The following OTOGL variants were observed in gnomAD, a reference collection of about 807,000 sequenced individuals.
OTOGL encodes otogelin-like protein.
In OTOGL, 285 loss-of-function variants were observed where a neutral mutation model predicts 318.5. The ratio of observed to expected loss-of-function variants is 0.89; its 90% CI spans 0.81 to 0.99. OTOGL has a LOEUF of 0.99. Ranked by LOEUF, OTOGL falls within the 50% of genes least tolerant of loss-of-function variation. The pLI, the probability that OTOGL is intolerant of heterozygous loss-of-function variation, is 0.00. For synonymous variants in OTOGL, 987 were observed against 936.5 expected (o/e 1.05, Z -0.99); for missense variants, 2,899 against 2,845.6 (o/e 1.02, Z -0.43).
At chr12:80,293,154 T>C (rs115086444) in intron 26 of OTOGL, among the ~76,000 whole-genome samples, 5 of 152,240 alleles carry the variant, frequency 3.3e-5, no homozygotes, top group African/African-American at 1.2e-4. Flanking sequence ...TAAAACTTAA[T>C]AAAGATAGCT....
intron 1 of OTOGL, among the ~76,000 whole-genome samples, chr12:80,201,917 C>G (rs983465362): frequency 6.6e-6 from 1 of 152,170 alleles, no homozygotes; most frequent in Non-Finnish European, 1.5e-5. Flanking sequence ...GGAATAATAA[C>G]CTAATCAATC....
chr12:80,323,468 G>A (rs993832731), intron 34 of OTOGL, among the ~76,000 whole-genome samples: 10 of 152,084 alleles, frequency 6.6e-5, no homozygotes, highest in Admixed American at 6.6e-4. Flanking sequence ...GGTCAACAAG[G>A]CAAAACCCCG....
At chr12:80,141,446 C>G (rs1871939336) in intron 1 of OTOGL, among the ~76,000 whole-genome samples, 1 of 152,108 alleles carries the variant, frequency 6.6e-6, no homozygotes, top group Non-Finnish European at 1.5e-5. Flanking sequence ...TTTCTTGGTG[C>G]CTGGTGTCCA....
At chr12:80,256,308 C>T in intron 16 of OTOGL, 29 bp from the exon 17 acceptor site, 1 of 1,584,822 alleles carries the variant, frequency 6.3e-7, no homozygotes, top group Non-Finnish European at 8.6e-7. Context: ...TCTCCCATTC[C>T]TTGCATTGAT....
intron 57 of OTOGL, among the ~76,000 whole-genome samples, chr12:80,374,141 AG>A (rs1891045935): frequency 6.6e-6 from 1 of 152,200 alleles, no homozygotes; most frequent in Non-Finnish European, 1.5e-5. Flanking sequence ...AGATGTCAGC[AG>A]GGCTCATTCC....
rs2137823616 is a variant in OTOGL at position 80,318,581 on chromosome 12, G to T, written c.3670G>T (p.Gly1224Trp). The T allele has an allele frequency of 7.1e-7, 1 of 1,417,944 alleles. No homozygotes were observed. Among genetic ancestry groups the T allele is most frequent in the Non-Finnish European group, 9.2e-7 (1 of 1,086,360 alleles). The allele number at this position is 1,417,944 out of a possible 1,614,324, so 87.8% of individuals were successfully genotyped here. The change falls in exon 33 of 59, where the codon GGG becomes TGG. Residue 1224 changes from glycine (G) to tryptophan (W), a missense_variant. Physicochemically the swap from Gly to Trp is radical, Grantham distance 184. Coordinates refer to ENST00000547103, the MANE Select transcript of OTOGL (RefSeq NM_001378609.3). ...AGGACCATATATGCTGGCAAGCTAT[G>T]GGCAGAGTGGCCTTGTTCTGGGGGC... The part of the protein sequence containing the change: ...GEGPYMLASY[G>W]QSGLVLGANM...
intron 6 of OTOGL, among the ~76,000 whole-genome samples, chr12:80,220,230 G>A (rs548580397): frequency 2.0e-5 from 3 of 152,126 alleles, no homozygotes; most frequent in Admixed American, 1.3e-4. Context: ...CACGATCTTG[G>A]CTGACTGCAA....
chr12:80,104,937 A>T (rs981057811), intron 1 of OTOGL, among the ~76,000 whole-genome samples: 3 of 152,148 alleles, frequency 2.0e-5, no homozygotes, highest in Admixed American at 1.3e-4. Context: ...TCTACTAAAA[A>T]TTCAACAGAT....
chr12:80,319,527 A>G (rs1009007410), intron 33 of OTOGL, among the ~76,000 whole-genome samples: 1 of 152,148 alleles, frequency 6.6e-6, no homozygotes, highest in Admixed American at 6.6e-5. Flanking sequence ...GTTCTAAATT[A>G]CGCTGGTTAC....
At chr12:80,150,907 G>C (rs1872745474) in intron 1 of OTOGL, among the ~76,000 whole-genome samples, 1 of 152,074 alleles carries the variant, frequency 6.6e-6, no homozygotes, top group Non-Finnish European at 1.5e-5. Flanking sequence ...AGTATTTATA[G>C]TTTAAATAAA....
chr12:80,196,896 T>A (rs1251908208), intron 1 of OTOGL, among the ~76,000 whole-genome samples: 1 of 151,948 alleles, frequency 6.6e-6, no homozygotes, highest in Non-Finnish European at 1.5e-5. Context: ...GGGAAGGGGG[T>A]GGTCGGACAT....
intron 34 of OTOGL, among the ~76,000 whole-genome samples, chr12:80,323,058 G>A (rs1887439559): frequency 6.7e-6 from 1 of 150,278 alleles, no homozygotes; most frequent in Non-Finnish European, 1.5e-5. Context: ...TTCTAAACAA[G>A]TGTTTGGTAT....
chr12:80,336,551 A>T lies in OTOGL; in HGVS notation c.4739A>T (p.Asn1580Ile). 1 of 1,606,462 alleles carries T rather than the reference A, an allele frequency of 6.2e-7. No individual in the cohort carries two copies. Among genetic ancestry groups the T allele is most frequent in the South Asian group, 1.1e-5 (1 of 89,912 alleles). The part of the protein sequence containing the change: ...IVAHIEKCSM[N>I]QNGNSLKKLA... ...GCTCATATCGAAAAATGTTCCATGA[A>T]TCAGGTGGGTCATAATTTATTTTTG... is the stretch of plus-strand genomic sequence containing the variant. Residue 1580 changes from asparagine (N) to isoleucine (I), a missense_variant, in exon 40 of 59, where the codon AAT becomes ATT. Transcript: ENST00000547103.
chr12:80,359,601 T>C (rs1890120386), intron 52 of OTOGL, among the ~76,000 whole-genome samples: 1 of 152,212 alleles, frequency 6.6e-6, no homozygotes, highest in African/African-American at 2.4e-5. Context: ...TTCAAAGCTA[T>C]ATTATGAAGA....
Position 80,279,034 on chromosome 12 carries a change from T to C in OTOGL, c.2796T>C (p.Cys932=). 1 of 1,594,578 alleles carries C rather than the reference T, an allele frequency of 6.3e-7. No individual in the cohort carries two copies. The highest frequency in any genetic ancestry group is 8.5e-7 in the Non-Finnish European group (1 of 1,176,494). The stretch of plus-strand genomic sequence containing the variant: ...TTTTGTTATTTTTTAATAGCGTTTG[T>C]CGACGAGGAATGTTCAATTGCACAT... ...VIATPCYTCV[C]RRGMFNCTYY... is the part of the protein sequence containing the mutation. The change falls in exon 26 of 59, where the codon TGT becomes TGC. Residue 932 remains cysteine, a synonymous_variant. Coordinates refer to ENST00000547103, the MANE Select transcript of OTOGL (RefSeq NM_001378609.3).
intron 44 of OTOGL, among the ~76,000 whole-genome samples, chr12:80,343,324 C>G (rs1289814836): frequency 6.6e-6 from 1 of 151,964 alleles, no homozygotes; most frequent in Admixed American, 6.6e-5. Flanking sequence ...CTTGGATGCC[C>G]AAGTCCCTTT....
At chr12:80,130,425 T>C (rs1871168119) in intron 1 of OTOGL, among the ~76,000 whole-genome samples, 1 of 151,950 alleles carries the variant, frequency 6.6e-6, no homozygotes, top group African/African-American at 2.4e-5. Context: ...ACTTGAAGAG[T>C]TGGAGGTTGG....
chr12:80,226,219 C>T (rs1012913171), intron 7 of OTOGL, among the ~76,000 whole-genome samples: 29 of 150,630 alleles, frequency 1.9e-4, no homozygotes, highest in African/African-American at 6.6e-4. Flanking sequence ...CACACACACA[C>T]ACACTTCCCT....
intron 57 of OTOGL, among the ~76,000 whole-genome samples, chr12:80,373,918 T>TG (rs1891034316): frequency 6.6e-6 from 1 of 152,162 alleles, no homozygotes; most frequent in Admixed American, 6.6e-5. Flanking sequence ...TGATAAGCTC[T>TG]GCTGAAGTGG....
Sources: allele counts gnomAD v4.1 joint callset (sites outside exome capture counted in the v4.1 genomes callset), GRCh38; gene constraint gnomAD v4.1.1; transcripts MANE v1.5; gene names NCBI Gene and HGNC (gene_info 2026-07-23, HGNC 2026-07-21).